Variants in TMEM38A observed in about 807,000 individuals in gnomAD.
The protein encoded by TMEM38A is transmembrane protein 38A, also known as trimeric intracellular cation channel type A.
Under a neutral mutation model 28.6 loss-of-function variants are expected in TMEM38A, and 17 were observed. That is an observed-to-expected ratio of 0.60 (90% confidence interval 0.41 to 0.89). TMEM38A has a LOEUF of 0.89. Among genes scored for constraint, TMEM38A ranks in the 40% least tolerant of loss-of-function variants. TMEM38A has a pLI of 0.00. For missense variants in TMEM38A, 328 were observed against 393.1 expected (o/e 0.83, Z 1.40); for synonymous variants, 169 against 166.1 (o/e 1.02, Z -0.14).
intron 3 of TMEM38A, among the ~76,000 whole-genome samples, chr19:16,681,319 T>C (rs2086781189): frequency 6.6e-6 from 1 of 151,866 alleles, no homozygotes; most frequent in African/African-American, 2.4e-5. Flanking sequence ...AAAGTAATAA[T>C]GAAAATGTTA....
In TMEM38A at chr19:16,676,292, C is replaced by T. The variant is rs2086751071; in HGVS notation, c.125-3692C>T. Reference sequence around the variant, plus strand: ...AATGGCATGAACCTGTGAGGCGGAGCTTGCAGTGATCTGAGATTGCGCCAC... The same window carrying T: ...AATGGCATGAACCTGTGAGGCGGAGTTTGCAGTGATCTGAGATTGCGCCAC... On this transcript the variant is annotated intron_variant, in intron 1 of 5. Transcript: ENST00000187762. Among the ~76,000 whole-genome samples, 2 of 133,360 alleles carry T rather than the reference C, an allele frequency of 1.5e-5. 1 individual carries two copies. The highest frequency in any genetic ancestry group is 8.0e-5 in the African/African-American group (2 of 25,090). 87.5% of individuals were successfully genotyped at this position (133,360 alleles called of 152,430 possible).
intron 1 of TMEM38A, among the ~76,000 whole-genome samples, chr19:16,667,320 C>T (rs905681569): frequency 6.6e-6 from 1 of 152,020 alleles, no homozygotes; most frequent in Non-Finnish European, 1.5e-5. Context: ...CAGGCCCCAC[C>T]CAGCTCTGCC....
chr19:16,680,756 G>T, intron 3 of TMEM38A, 175 bp downstream of exon 3: 1 of 608,118 alleles, frequency 1.6e-6, no homozygotes, highest in Non-Finnish European at 2.9e-6. Flanking sequence ...TAAATGGGAA[G>T]ATTCTTCTAG....
intron 2 of TMEM38A, 102 bp downstream of exon 2, chr19:16,680,242 A>C: frequency 6.6e-7 from 1 of 1,511,314 alleles, no homozygotes; most frequent in Non-Finnish European, 9.0e-7. Context: ...CACCAGCAAC[A>C]GCCCTCATGA....
chr19:16,682,317 T>C, intron 3 of TMEM38A, 104 bp from the exon 4 acceptor site: 1 of 890,762 alleles, frequency 1.1e-6, no homozygotes. Flanking sequence ...AGTGTCCTTC[T>C]AGAGAAGATT....
intron 1 of TMEM38A, among the ~76,000 whole-genome samples, chr19:16,669,901 G>A (rs970707477): frequency 2.0e-5 from 3 of 152,066 alleles, no homozygotes; most frequent in African/African-American, 7.2e-5. Context: ...GGGACCCAAA[G>A]CTTTTTCCTC....
chr19:16,661,177 G>C lies in TMEM38A; in HGVS notation c.-41G>C. ...CGCGGGCGGCGGGACGGACGAGGCCGGGGCCCCGGGTGGCACCCGGCAGGC... is the reference window on the plus strand; with the variant it reads ...CGCGGGCGGCGGGACGGACGAGGCCCGGGCCCCGGGTGGCACCCGGCAGGC... On this transcript the variant is annotated 5_prime_UTR_variant, in exon 1 of 6. Transcript: ENST00000187762. The surrounding 1 kb of genome is among the most constrained non-coding windows in gnomAD (Gnocchi z 6.5). 2 of 1,254,090 alleles carry C rather than the reference G, an allele frequency of 1.6e-6. No individual in the cohort carries two copies. The highest frequency in any genetic ancestry group is 1.0e-6 in the Non-Finnish European group (1 of 984,084). The allele number at this position is 1,254,090 out of a possible 1,614,324, so 77.7% of individuals were successfully genotyped here.
intron 3 of TMEM38A, 93 bp downstream of exon 3, chr19:16,680,674 C>A: frequency 7.5e-7 from 1 of 1,330,544 alleles, no homozygotes; most frequent in Non-Finnish European, 1.0e-6. Flanking sequence ...AGCCATTGCT[C>A]CAGGCACAGG....
At chr19:16,670,314 T>G (rs8099847) in intron 1 of TMEM38A, among the ~76,000 whole-genome samples, 27,905 of 129,084 alleles carry the variant, frequency 0.22, 4,368 homozygotes, top group African/African-American at 0.46. Context: ...TGCTCCTATT[T>G]CCCAGGTTGG....
chr19:16,685,049 T>TATAAATAAATAAATAAATAAATAA lies in TMEM38A; in HGVS notation c.555-1239_555-1238insATAAATAAATAAATAAATAAATAA, dbSNP rs202015834. On this transcript the variant is annotated intron_variant, in intron 4 of 5. Transcript: ENST00000187762. Reference sequence around the variant, plus strand: ...GGGTGATAGAGAGAGACCCTGTCTCTGTAAATAAATAAATAAATAAATAAA... The same window carrying TATAAATAAATAAATAAATAAATAA: ...GGGTGATAGAGAGAGACCCTGTCTCTATAAATAAATAAATAAATAAATAAGTAAATAAATAAATAAATAAATAAA... Among the ~76,000 whole-genome samples the TATAAATAAATAAATAAATAAATAA allele has an allele frequency of 5.3e-3, 723 of 136,552 alleles. 21 individuals are homozygous for TATAAATAAATAAATAAATAAATAA. Among genetic ancestry groups the TATAAATAAATAAATAAATAAATAA allele is most frequent in the African/African-American group, 0.017 (622 of 35,826 alleles). The allele number at this position is 136,552 out of a possible 152,430, so 89.6% of individuals were successfully genotyped here.
intron 4 of TMEM38A, 134 bp downstream of exon 4, chr19:16,682,642 A>T: frequency 5.3e-6 from 4 of 760,180 alleles, no homozygotes; most frequent in Non-Finnish European, 9.0e-6. Context: ...AGAGGCTATG[A>T]CTGGGGAAGC....
In TMEM38A at chr19:16,661,385, G is replaced by A. The variant is rs780836849; in HGVS notation, c.124+44G>A. 13 of 1,486,128 alleles carry A rather than the reference G, an allele frequency of 8.7e-6. No individual in the cohort carries two copies. The highest frequency in any genetic ancestry group is 1.2e-5 in the Non-Finnish European group (13 of 1,106,790). The allele number at this position is 1,486,128 out of a possible 1,614,324, so 92.1% of individuals were successfully genotyped here. On this transcript the variant is annotated intron_variant, in intron 1 of 5. Coordinates refer to ENST00000187762, the MANE Select transcript of TMEM38A (RefSeq NM_024074.4). This position sits in a 1 kb window ranked among gnomAD's most constrained non-coding sequence, Gnocchi z 6.5. ...CTGGAGGGGACCGGCAGCGGGTGGCGCGGGCCGGGGCAGCTCGGGGGTCGC... is the reference window on the plus strand; with the variant it reads ...CTGGAGGGGACCGGCAGCGGGTGGCACGGGCCGGGGCAGCTCGGGGGTCGC...
chr19:16,672,267 A>G (rs1296558257), intron 1 of TMEM38A, among the ~76,000 whole-genome samples: 1 of 152,030 alleles, frequency 6.6e-6, no homozygotes, highest in Non-Finnish European at 1.5e-5. Flanking sequence ...TCACATTGTT[A>G]GTTGGTGGGG....
At chr19:16,681,722 A>G (rs1021503564) in intron 3 of TMEM38A, among the ~76,000 whole-genome samples, 2 of 152,104 alleles carry the variant, frequency 1.3e-5, no homozygotes, top group African/African-American at 4.8e-5. Flanking sequence ...GACTCACTAA[A>G]TACCAGTAGC....
Position 16,661,191 on chromosome 19 carries a change from CACCCGGCA to C in TMEM38A, c.-26_-19del, listed in dbSNP as rs902671315. 7.4e-7 allele frequency: 1 copy of C among 1,354,948 alleles called. No homozygotes were observed. Among genetic ancestry groups the C allele is most frequent in the African/African-American group, 1.7e-5 (1 of 59,992 alleles). 83.9% of individuals were successfully genotyped at this position (1,354,948 alleles called of 1,614,324 possible). A position where few individuals can be genotyped will look rare whatever the true frequency, so the allele number is the denominator to read the frequency against. ...CGGACGAGGCCGGGGCCCCGGGTGG[CACCCGGCA>C]GGCGGGCAGGCGGGCGCCATGGAGC... On this transcript the variant is annotated 5_prime_UTR_variant, in exon 1 of 6. Transcript: ENST00000187762. The surrounding 1 kb of genome is among the most constrained non-coding windows in gnomAD (Gnocchi z 6.5).
intron 3 of TMEM38A, among the ~76,000 whole-genome samples, chr19:16,681,711 C>G (rs77823645): frequency 1.3e-5 from 2 of 152,096 alleles, no homozygotes; most frequent in South Asian, 4.1e-4. Flanking sequence ...TCCCTGGCCT[C>G]GACTCACTAA....
chr19:16,685,850 A>T (rs142976398), intron 4 of TMEM38A, among the ~76,000 whole-genome samples: 4 of 152,204 alleles, frequency 2.6e-5, no homozygotes, highest in Non-Finnish European at 2.9e-5. Context: ...GGATGACACC[A>T]TCTCAACCTG....
rs763438221 is a variant in TMEM38A at position 16,680,075 on chromosome 19, C to A, written c.216C>A (p.Leu72=). 6.2e-7 allele frequency: 1 copy of A among 1,611,472 alleles called. No homozygotes were observed. Among genetic ancestry groups the A allele is most frequent in the Non-Finnish European group, 8.5e-7 (1 of 1,180,004 alleles). The part of the protein sequence containing the change: ...CFGSYILADL[L]LGEPLIDYFS... ...GGAGCTACATCCTGGCTGATCTGCT[C>A]CTTGGGGAGCCACTGATCGATTACT... The change falls in exon 2 of 6, where the codon CTC becomes CTA. Residue 72 remains leucine, a synonymous_variant. Coordinates refer to ENST00000187762, the MANE Select transcript of TMEM38A (RefSeq NM_024074.4).
intron 4 of TMEM38A, among the ~76,000 whole-genome samples, chr19:16,683,545 A>G (rs1399311123): frequency 6.7e-6 from 1 of 148,498 alleles, no homozygotes; most frequent in Non-Finnish European, 1.5e-5. Flanking sequence ...GTAAGCTAGG[A>G]TCATGCCACT....
Sources: allele counts gnomAD v4.1 joint callset (sites outside exome capture counted in the v4.1 genomes callset), GRCh38; gene constraint gnomAD v4.1.1; non-coding constraint Gnocchi (gnomAD v3.1); transcripts MANE v1.5; gene names NCBI Gene and HGNC (gene_info 2026-07-23, HGNC 2026-07-21).